Variants in TOP2B observed in about 807,000 individuals in gnomAD.
The protein encoded by TOP2B is DNA topoisomerase II beta, also known as DNA topoisomerase 2-beta.
TOP2B carries 51 observed loss-of-function variants against 193.5 expected under a neutral mutation model. The ratio of observed to expected loss-of-function variants is 0.26; its 90% CI spans 0.21 to 0.33. The LOEUF is 0.33. Ranked by LOEUF, TOP2B falls within the 10% of genes least tolerant of loss-of-function variation. The probability of loss-of-function intolerance (pLI) is 1.00; values close to 1 mark genes in which losing one functional copy is unlikely to be tolerated. For missense variants in TOP2B, 1,378 were observed against 1,909.3 expected (o/e 0.72, Z 5.19); for synonymous variants, 634 against 635.7 (o/e 1.00, Z 0.04).
intron 35 of TOP2B, 80 bp from the exon 36 acceptor site, chr3:25,598,557 G>T (rs561923908): frequency 8.8e-7 from 1 of 1,130,960 alleles, no homozygotes; most frequent in Non-Finnish European, 1.2e-6. Context: ...CTTAAACTTC[G>T]CTTATGTTTA....
intron 21 of TOP2B, 106 bp downstream of exon 21, chr3:25,623,409 C>T: frequency 1.9e-6 from 2 of 1,043,266 alleles, no homozygotes; most frequent in South Asian, 1.5e-5. Context: ...TTACGGTCTA[C>T]AATATGTTCT....
intron 34 of TOP2B, among the ~76,000 whole-genome samples, chr3:25,600,591 A>AT (rs1284041767): frequency 6.6e-6 from 1 of 152,230 alleles, no homozygotes; most frequent in Non-Finnish European, 1.5e-5. Flanking sequence ...CTACCCTCAT[A>AT]TCATGTCTTA....
At chr3:25,603,443 A>T (rs1003132196) in intron 33 of TOP2B, among the ~76,000 whole-genome samples, 3 of 152,064 alleles carry the variant, frequency 2.0e-5, no homozygotes, top group Non-Finnish European at 4.4e-5. Flanking sequence ...GGGTTTTGCC[A>T]TGTTGGCCAG....
chr3:25,648,797 G>C (rs532281043), intron 1 of TOP2B, among the ~76,000 whole-genome samples: 2 of 152,314 alleles, frequency 1.3e-5, no homozygotes, highest in South Asian at 4.1e-4. Context: ...AGAAGGTCGA[G>C]GCTGCAGTGA....
At chr3:25,639,195 T>G (rs957464051) in intron 4 of TOP2B, among the ~76,000 whole-genome samples, 2 of 152,214 alleles carry the variant, frequency 1.3e-5, no homozygotes, top group African/African-American at 4.8e-5. Flanking sequence ...CATATATAAT[T>G]TAGCATGAGT....
chr3:25,626,107 C>T (rs900057987), intron 18 of TOP2B, among the ~76,000 whole-genome samples: 1 of 151,566 alleles, frequency 6.6e-6, no homozygotes, highest in Non-Finnish European at 1.5e-5. Flanking sequence ...CTTCAACTAA[C>T]GAGAAATAGT....
chr3:25,640,553 T>C (rs1393294139), intron 4 of TOP2B, among the ~76,000 whole-genome samples: 2 of 152,074 alleles, frequency 1.3e-5, no homozygotes, highest in African/African-American at 4.8e-5. Flanking sequence ...TTAGTTATAA[T>C]TTTCCCTCCC....
At position 25,598,356 on chromosome 3, in the gene TOP2B, G is replaced by A; in HGVS notation, c.4832C>T (p.Ala1611Val). 2 of 1,613,156 alleles carry A rather than the reference G, an allele frequency of 1.2e-6. No homozygotes were observed. The highest frequency in any genetic ancestry group is 1.3e-5 in the African/African-American group (1 of 75,014). Residue 1611 changes from alanine to valine, a missense_variant, in exon 36 of 36, where the codon GCA (alanine) becomes GTA (valine). By Grantham distance (64) the Ala-to-Val change is moderately conservative. Coordinates refer to ENST00000264331, the MANE Select transcript of TOP2B (RefSeq NM_001330700.2). ...ATCATCTTCTTCTTCATCAGACTCT[G>A]CAAAATATTTTACTTCTTTCCTAGC... ...GRARKEVKYF[A>V]ESDEEEDDVD...
intron 16 of TOP2B, 29 bp from the exon 17 acceptor site, chr3:25,626,893 C>T (rs952194772): frequency 6.1e-6 from 8 of 1,321,608 alleles, no homozygotes; most frequent in African/African-American, 3.0e-5. Flanking sequence ...CGATTTTGCA[C>T]ATTAAAAATA....
At chr3:25,662,522 T>C (rs1381640168) in intron 1 of TOP2B, among the ~76,000 whole-genome samples, 3 of 152,222 alleles carry the variant, frequency 2.0e-5, no homozygotes, top group Non-Finnish European at 4.4e-5. Flanking sequence ...ATTTCCCATA[T>C]TTTCCATAAT....
chr3:25,598,275 T>C lies in TOP2B; in HGVS notation c.*32A>G, dbSNP rs75445475. The C allele has an allele frequency of 3.9e-4, 620 of 1,576,760 alleles. 4 individuals are homozygous for C. The African/African-American group carries it at 7.8e-3, about 20-fold the overall frequency. ...GAAGACAAAAGGACAACACAAGATA[T>C]TTGTTGAAAAATGTTTGTGCTCTTT... On this transcript the variant is annotated 3_prime_UTR_variant, in exon 36 of 36. Transcript: ENST00000264331.
At chr3:25,653,684 C>G (rs1245127371) in intron 1 of TOP2B, among the ~76,000 whole-genome samples, 2 of 152,160 alleles carry the variant, frequency 1.3e-5, no homozygotes, top group African/African-American at 2.4e-5. Context: ...CCTGCATTGG[C>G]CTCCCAAAGT....
intron 21 of TOP2B, among the ~76,000 whole-genome samples, chr3:25,621,266 C>T (rs1205078042): frequency 6.6e-5 from 10 of 152,190 alleles, no homozygotes; most frequent in Admixed American, 2.6e-4. Context: ...CAAGTCCTGA[C>T]ACATATTCAG....
At chr3:25,643,367 C>T (rs1559506040) in intron 3 of TOP2B, among the ~76,000 whole-genome samples, 3 of 152,208 alleles carry the variant, frequency 2.0e-5, no homozygotes, top group Admixed American at 6.5e-5. Flanking sequence ...AAATCAGTCC[C>T]TGTCATCTCC....
At position 25,609,341 on chromosome 3, in the gene TOP2B, G is replaced by C; in HGVS notation, c.3935C>G (p.Thr1312Ser). 1 of 1,587,602 alleles carries C rather than the reference G, an allele frequency of 6.3e-7. No individual in the cohort carries two copies. The highest frequency in any genetic ancestry group is 1.1e-5 in the South Asian group (1 of 87,562). Residue 1312 changes from threonine (T) to serine (S), a missense_variant, in exon 30 of 36, where the codon ACC (threonine) becomes AGC (serine). Around this residue, in one of 9 missense-constraint regions of TOP2B, gnomAD observed 556 missense variants for 584.2 expected, o/e 0.95. Coordinates refer to ENST00000264331, the MANE Select transcript of TOP2B (RefSeq NM_001330700.2). ...KPKREKKEPG[T>S]RVRKTPTSSG... ...TGATGTAGGTGTTTTTCTCACTCTG[G>C]TACCTAAAGCAAAAGAATAGCAATA...
intron 21 of TOP2B, 150 bp from the exon 22 acceptor site, chr3:25,620,966 T>C (rs1045634845): frequency 1.1e-5 from 9 of 804,376 alleles, no homozygotes; most frequent in African/African-American, 1.7e-5. Flanking sequence ...CTTGAATTCA[T>C]AGCTTCTGTT....
chr3:25,617,511 AT>A (rs1702535392), intron 25 of TOP2B, among the ~76,000 whole-genome samples: 1 of 152,190 alleles, frequency 6.6e-6, no homozygotes, highest in Non-Finnish European at 1.5e-5. Context: ...CAAAAGCAAT[AT>A]TTCAATGTAG....
rs958108626 is a variant in TOP2B, at chr3:25,649,500, A to G, written c.70-4030T>C. 5.3e-5 allele frequency among the ~76,000 whole-genome samples: 8 copies of G among 152,234 alleles called. No individual in the cohort carries two copies. The South Asian group carries it at 1.0e-3, about 20-fold the overall frequency. ...AGAGAATCTTAAAAGCAGCAACAGA[A>G]AAGTGAATCATCAATTACAAAGGAG... is the stretch of plus-strand genomic sequence containing the variant. On this transcript the variant is annotated intron_variant, in intron 1 of 35. Transcript: ENST00000264331.
intron 28 of TOP2B, among the ~76,000 whole-genome samples, chr3:25,612,099 G>A (rs1223053548): frequency 9.9e-5 from 15 of 151,662 alleles, no homozygotes; most frequent in African/African-American, 2.7e-4. Context: ...CCACCACCAC[G>A]CCCAGCTAAT....
Sources: allele counts gnomAD v4.1 joint callset (sites outside exome capture counted in the v4.1 genomes callset), GRCh38; gene constraint gnomAD v4.1.1; regional missense constraint gnomAD v4.1.1; transcripts MANE v1.5; gene names NCBI Gene and HGNC (gene_info 2026-07-23, HGNC 2026-07-21).